Variants in ROR2 observed in about 807,000 individuals in gnomAD.
ROR2 encodes tyrosine-protein kinase transmembrane receptor ROR2.
A neutral mutation model predicts 74.9 loss-of-function variants in ROR2; 33 were observed. The observed-to-expected ratio is 0.44, with a 90% CI of 0.33 to 0.59. The LOEUF (loss-of-function observed/expected upper bound fraction) is 0.59, where lower values mean the gene tolerates loss of function less well. ROR2 is among the 20% of genes least tolerant of loss of function. The pLI is 0.02. For missense variants in ROR2, 1,216 were observed against 1,313.8 expected, an observed-to-expected ratio of 0.93 and a Z score of 1.15; for synonymous variants, 586 against 558.7, an observed-to-expected ratio of 1.05 and a Z score of -0.69.
At chr9:91,944,796 C>G (rs1831969085) in intron 1 of ROR2, among the ~76,000 whole-genome samples, 1 of 151,864 alleles carries the variant, frequency 6.6e-6, no homozygotes, top group South Asian at 2.1e-4. Flanking sequence ...GTGGCTCATG[C>G]CTACGATCCC....
At chr9:91,827,676 A>AGTCCAATGTACAGATCG (rs1347428570) in intron 1 of ROR2, among the ~76,000 whole-genome samples, 2 of 152,214 alleles carry the variant, frequency 1.3e-5, no homozygotes, top group East Asian at 3.8e-4. Context: ...TGTACAGATC[A>AGTCCAATGTACAGATCG]GTCCAATGTA....
chr9:91,858,720 T>C (rs991219911), intron 1 of ROR2, among the ~76,000 whole-genome samples: 3 of 152,114 alleles, frequency 2.0e-5, no homozygotes, highest in Non-Finnish European at 2.9e-5. Context: ...ATAATAACAA[T>C]AGCACTTAGC....
At position 91,804,991 on chromosome 9, in the gene ROR2, T is replaced by G. The variant is rs538455613; in HGVS notation, c.98-29173A>C. ...GGTATGTACCCTTAGCCCTCCTTTC[T>G]CACAGAAAAAAGCATTTATTCAAAG... On this transcript the variant is annotated intron_variant, in intron 1 of 8. Transcript: ENST00000375708. Among the ~76,000 whole-genome samples the G allele has an allele frequency of 1.8e-4, 28 of 152,282 alleles. No individual in the cohort carries two copies. In the South Asian group the frequency reaches 5.8e-3, roughly 32 times the overall value.
At chr9:91,944,621 C>T (rs1033185246) in intron 1 of ROR2, among the ~76,000 whole-genome samples, 4 of 151,896 alleles carry the variant, frequency 2.6e-5, no homozygotes, top group African/African-American at 7.3e-5. Flanking sequence ...TACAACAGCT[C>T]GAAAAGAATA....
chr9:91,746,356 C>T (rs1825417899), intron 4 of ROR2, among the ~76,000 whole-genome samples: 1 of 152,190 alleles, frequency 6.6e-6, no homozygotes, highest in Admixed American at 6.5e-5. Flanking sequence ...GGATTACAGG[C>T]CTGAGCCACC....
chr9:91,797,799 G>A (rs1237850847), intron 1 of ROR2, among the ~76,000 whole-genome samples: 1 of 41,738 alleles, frequency 2.4e-5, no homozygotes, highest in Admixed American at 2.1e-4. Context: ...CTCTGTGGGT[G>A]GGGCTGACAC....
In ROR2 at chr9:91,761,475, G is replaced by A. The variant is rs558425489; in HGVS notation, c.176-3916C>T. 2.0e-4 allele frequency among the ~76,000 whole-genome samples: 31 copies of A among 152,168 alleles called. No individual in the cohort carries two copies. In the East Asian group the frequency reaches 2.9e-3, roughly 14 times the overall value. On this transcript the variant is annotated intron_variant, in intron 2 of 8. Transcript: ENST00000375708. Reference sequence around the variant, plus strand: ...AATCAGGCATTAGACTCTCATAAGCGCACACCCTAGATCCCTCAGATGCAC... The same window carrying A: ...AATCAGGCATTAGACTCTCATAAGCACACACCCTAGATCCCTCAGATGCAC...
chr9:91,871,176 G>A (rs1044940809), intron 1 of ROR2, among the ~76,000 whole-genome samples: 18 of 152,198 alleles, frequency 1.2e-4, no homozygotes, highest in South Asian at 4.1e-4. Context: ...AGCTTCCTCT[G>A]CTGTCTCTCC....
At chr9:91,877,411 C>T (rs955078919) in intron 1 of ROR2, among the ~76,000 whole-genome samples, 1 of 152,096 alleles carries the variant, frequency 6.6e-6, no homozygotes, top group African/African-American at 2.4e-5. Context: ...TCTAAGTGGA[C>T]GGGGACAGAA....
intron 1 of ROR2, among the ~76,000 whole-genome samples, chr9:91,924,779 T>A (rs961158003): frequency 7.0e-6 from 1 of 143,274 alleles, no homozygotes; most frequent in South Asian, 2.2e-4. Context: ...CGAGACTCCA[T>A]CTAAAAAAAA....
intron 4 of ROR2, among the ~76,000 whole-genome samples, chr9:91,746,621 G>A (rs79830490): frequency 0.037 from 5,600 of 152,168 alleles, 309 homozygotes; most frequent in East Asian, 0.2. Flanking sequence ...ACCTGGAGAG[G>A]CTCATTATGT....
At chr9:91,740,559 G>A (rs956207748) in intron 4 of ROR2, among the ~76,000 whole-genome samples, 8 of 145,854 alleles carry the variant, frequency 5.5e-5, no homozygotes, top group Middle Eastern at 3.2e-3. Context: ...TTCGGGCGGG[G>A]GGGGGAATAT....
intron 1 of ROR2, among the ~76,000 whole-genome samples, chr9:91,949,358 G>C (rs1364029034): frequency 1.3e-5 from 2 of 151,110 alleles, no homozygotes; most frequent in Non-Finnish European, 3.0e-5. Context: ...CGCAAGAGCC[G>C]CTTCTCCGGG....
intron 1 of ROR2, among the ~76,000 whole-genome samples, chr9:91,861,388 T>A (rs1244658961): frequency 6.6e-6 from 1 of 152,214 alleles, no homozygotes; most frequent in Non-Finnish European, 1.5e-5. Context: ...TGAAGTAGTA[T>A]GGTACTAGTA....
intron 4 of ROR2, among the ~76,000 whole-genome samples, chr9:91,746,857 G>GGTGTGT (rs57891940): frequency 0.024 from 3,596 of 149,980 alleles, 132 homozygotes; most frequent in African/African-American, 0.083. Context: ...TCCTTGAGCA[G>GGTGTGT]GTGTGTGTGT....
intron 1 of ROR2, among the ~76,000 whole-genome samples, chr9:91,910,528 G>C (rs929441992): frequency 6.6e-6 from 1 of 152,042 alleles, no homozygotes; most frequent in Non-Finnish European, 1.5e-5. Context: ...ACAACCAACA[G>C]AGTGAAAACA....
At chr9:91,935,592 T>TTG (rs564288786) in intron 1 of ROR2, among the ~76,000 whole-genome samples, 89 of 152,320 alleles carry the variant, frequency 5.8e-4, no homozygotes, top group African/African-American at 2.1e-3. Context: ...TTTTTTGTTT[T>TTG]TGCCCAGGTC....
chr9:91,830,802 CTGTGTCCGTGTGTGTGTG>C, intron 1 of ROR2, among the ~76,000 whole-genome samples: 1 of 134,198 alleles, frequency 7.5e-6, no homozygotes, highest in Middle Eastern at 3.9e-3. Context: ...AACTAAATAA[CTGTGTCCGTGTGTGTGTG>C]TGTGTGTGTG....
At chr9:91,829,745 G>A (rs1257977168) in intron 1 of ROR2, among the ~76,000 whole-genome samples, 1 of 152,032 alleles carries the variant, frequency 6.6e-6, no homozygotes, top group Non-Finnish European at 1.5e-5. Context: ...ATATAACCAA[G>A]ATCCATACGA....
Sources: gnomAD v4.1 joint callset for allele counts (sites outside exome capture counted in the v4.1 genomes callset) on GRCh38, gnomAD v4.1.1 for gene constraint, MANE v1.5 for transcripts, NCBI Gene and HGNC (gene_info 2026-07-23, HGNC 2026-07-21) for gene names.